The following ADGRA2 variants were observed in gnomAD, a reference collection of about 807,000 sequenced individuals.
ADGRA2 encodes the protein G-protein coupled receptor 124.
ADGRA2 carries 61 observed loss-of-function variants against 98.7 expected under a neutral mutation model. The ratio of observed to expected loss-of-function variants is 0.62; its 90% CI spans 0.50 to 0.76. The LOEUF (loss-of-function observed/expected upper bound fraction) is 0.76, where lower values mean the gene tolerates loss of function less well. Among genes scored for constraint, ADGRA2 ranks in the 30% least tolerant of loss-of-function variants. ADGRA2 has a pLI of 0.00. For synonymous variants in ADGRA2, 858 were observed against 831.5 expected (o/e 1.03, Z -0.55); for missense variants, 1,712 against 1,860.0 (o/e 0.92, Z 1.46).
intron 2 of ADGRA2, among the ~76,000 whole-genome samples, chr8:37,820,642 G>A (rs895329099): frequency 6.6e-6 from 1 of 152,266 alleles, no homozygotes; most frequent in Admixed American, 6.5e-5. Context: ...AGCACGTCCA[G>A]TGGGAGGGTT....
intron 4 of ADGRA2, 38 bp downstream of exon 4, chr8:37,829,370 G>A (rs763109516): frequency 3.2e-6 from 5 of 1,585,362 alleles, no homozygotes; most frequent in South Asian, 2.2e-5. Flanking sequence ...GGGAGGAGAG[G>A]GAAGAAGTGC....
rs1265584760 is a variant in ADGRA2, at chr8:37,797,482, G to A, written c.214G>A (p.Asp72Asn). ...ARRRVVCSGG[D>N]LPEPPEPGLL... ...GCGGAGGGTGGTGTGCAGCGGCGGGGACCTCCCGGAGCCTCCCGAGCCCGG... is the reference window on the plus strand; with the variant it reads ...GCGGAGGGTGGTGTGCAGCGGCGGGAACCTCCCGGAGCCTCCCGAGCCCGG... The change falls in exon 1 of 19, where the codon GAC becomes AAC. Residue 72 changes from aspartate to asparagine, a missense_variant. Transcript: ENST00000412232. The surrounding 1 kb of genome is among the most constrained non-coding windows in gnomAD (Gnocchi z 5.3). 1.4e-6 allele frequency: 2 copies of A among 1,416,356 alleles called. No homozygotes were observed. The highest frequency in any genetic ancestry group is 5.6e-5 in the East Asian group (2 of 35,742). The allele number at this position is 1,416,356 out of a possible 1,614,324, so 87.7% of individuals were successfully genotyped here.
chr8:37,797,573 C>A lies in ADGRA2; in HGVS notation c.266+39C>A, dbSNP rs1804369846. Reference sequence around the variant, plus strand: ...CAGGCCAGTTCCGTCCGAGCCGGGACTGGGGACGAAGGGAGGCGAGACGGG... The same window carrying A: ...CAGGCCAGTTCCGTCCGAGCCGGGAATGGGGACGAAGGGAGGCGAGACGGG... On this transcript the variant is annotated intron_variant, in intron 1 of 18. Transcript: ENST00000412232. The surrounding 1 kb of genome is among the most constrained non-coding windows in gnomAD (Gnocchi z 5.3). 3 of 1,269,536 alleles carry A rather than the reference C, an allele frequency of 2.4e-6. No individual in the cohort carries two copies. The highest frequency in any genetic ancestry group is 2.0e-6 in the Non-Finnish European group (2 of 996,630). 78.6% of individuals were successfully genotyped at this position (1,269,536 alleles called of 1,614,324 possible).
At chr8:37,821,752 T>A (rs1430382237) in intron 2 of ADGRA2, among the ~76,000 whole-genome samples, 1 of 152,132 alleles carries the variant, frequency 6.6e-6, no homozygotes, top group Non-Finnish European at 1.5e-5. Context: ...CCCGGGATGA[T>A]TTGTCATTAC....
At chr8:37,816,124 A>G (rs970366236) in intron 2 of ADGRA2, among the ~76,000 whole-genome samples, 3 of 152,212 alleles carry the variant, frequency 2.0e-5, no homozygotes, top group Non-Finnish European at 4.4e-5. Context: ...AATGCCATGT[A>G]TACTAGAATT....
chr8:37,839,985 TG>T, intron 16 of ADGRA2, 135 bp from the exon 17 acceptor site: 1 of 763,692 alleles, frequency 1.3e-6, no homozygotes, highest in Non-Finnish European at 2.1e-6. Flanking sequence ...GGCGAGTGTA[TG>T]GGGAGTGGGC....
Position 37,841,550 on chromosome 8 carries a change from C to A in ADGRA2, c.3212C>A (p.Ala1071Asp). 1.9e-6 allele frequency: 3 copies of A among 1,611,384 alleles called. No homozygotes were observed. Among genetic ancestry groups the A allele is most frequent in the Non-Finnish European group, 2.5e-6 (3 of 1,179,406 alleles). The change falls in exon 19 of 19, where the codon GCC becomes GAC. Residue 1071 changes from alanine to aspartate, a missense_variant. By Grantham distance (126) the Ala-to-Asp change is moderately radical. Transcript: ENST00000412232. This position sits in a 1 kb window ranked among gnomAD's most constrained non-coding sequence, Gnocchi z 5.0. Reference protein sequence around the residue: ...LGLFVFTHHCARRRDVRASWR... With the variant: ...LGLFVFTHHCDRRRDVRASWR... ...CTCTTCGTCTTCACTCACCACTGTG[C>A]CAGGCGGAGGGACGTGAGAGCCTCG...
At chr8:37,821,352 C>T (rs1470785233) in intron 2 of ADGRA2, among the ~76,000 whole-genome samples, 2 of 152,218 alleles carry the variant, frequency 1.3e-5, no homozygotes, top group African/African-American at 4.8e-5. Context: ...CAGTTCCCTT[C>T]CCCTCTGAAG....
At chr8:37,838,250 ATTTTT>A (rs11335728) in intron 14 of ADGRA2, among the ~76,000 whole-genome samples, 1 of 129,746 alleles carries the variant, frequency 7.7e-6, no homozygotes, top group Non-Finnish European at 1.6e-5. Flanking sequence ...CTGAGACCAG[ATTTTT>A]TTTTTTTTTT....
In ADGRA2 at chr8:37,833,134, C is replaced by G; in HGVS notation, c.1222C>G (p.Arg408Gly). ...CTCCCGCCGGTGTGACCGTGCCGGCCGCTGGGAGCCAGGGGACTACTCCCA... is the reference window on the plus strand; with the variant it reads ...CTCCCGCCGGTGTGACCGTGCCGGCGGCTGGGAGCCAGGGGACTACTCCCA... ...RASRRCDRAGRWEPGDYSHCL... is the reference protein window; with the variant it reads ...RASRRCDRAGGWEPGDYSHCL... Residue 408 changes from arginine (R) to glycine (G), a missense_variant, in exon 9 of 19, where the codon CGC (arginine) becomes GGC (glycine). Arg to Gly is a moderately radical substitution (Grantham distance 125). Transcript: ENST00000412232. 6.2e-7 allele frequency: 1 copy of G among 1,613,144 alleles called. No homozygotes were observed. Among genetic ancestry groups the G allele is most frequent in the Admixed American group, 1.7e-5 (1 of 60,000 alleles).
Position 37,830,629 on chromosome 8 carries a change from C to CCAA in ADGRA2, c.719-81_719-80insCAA. 5.6e-6 allele frequency: 4 copies of CCAA among 714,566 alleles called. No individual in the cohort carries two copies. The highest frequency in any genetic ancestry group is 9.7e-6 in the Non-Finnish European group (4 of 414,348). The allele number at this position is 714,566 out of a possible 1,614,324, so 44.3% of individuals were successfully genotyped here. ...CCGAGGGCCCCGCCCCGCCCCACCC[C>CCAA]ATCCTGCTGGACTCTCGCTCACACG... On this transcript the variant is annotated intron_variant, in intron 6 of 18. Transcript: ENST00000412232. The surrounding 1 kb of genome is among the most constrained non-coding windows in gnomAD (Gnocchi z 4.8).
At position 37,844,205 on chromosome 8, in the gene ADGRA2, G is replaced by A. The variant is rs1369761624; in HGVS notation, c.*1850G>A. The A allele has an allele frequency of 2.4e-6, 1 of 423,822 alleles. No individual in the cohort carries two copies. The highest frequency in any genetic ancestry group is 4.3e-6 in the Non-Finnish European group (1 of 232,994). The allele number at this position is 423,822 out of a possible 1,614,324, so 26.3% of individuals were successfully genotyped here. On this transcript the variant is annotated 3_prime_UTR_variant, in exon 19 of 19. Coordinates refer to ENST00000412232, the MANE Select transcript of ADGRA2 (RefSeq NM_032777.10). Reference sequence around the variant, plus strand: ...GTCCAATTCAAACCAGCAGCAAAGAGCCTGACATTTTCCCATCCATCTATG... The same window carrying A: ...GTCCAATTCAAACCAGCAGCAAAGAACCTGACATTTTCCCATCCATCTATG...
intron 5 of ADGRA2, 113 bp downstream of exon 5, chr8:37,829,672 C>A: frequency 1.0e-6 from 1 of 968,612 alleles, no homozygotes; most frequent in Admixed American, 1.8e-5. Flanking sequence ...CCACAGCAGA[C>A]AGTGCCTGAA....
intron 2 of ADGRA2, among the ~76,000 whole-genome samples, chr8:37,817,160 C>A (rs11995811): frequency 3.3e-5 from 5 of 151,910 alleles, no homozygotes; most frequent in Non-Finnish European, 7.4e-5. Flanking sequence ...GGCCCCAAGC[C>A]CCCGAAGCTG....
intron 1 of ADGRA2, among the ~76,000 whole-genome samples, chr8:37,799,335 A>G (rs1371128959): frequency 6.6e-6 from 1 of 151,104 alleles, no homozygotes; most frequent in African/African-American, 2.4e-5. Flanking sequence ...CGATCACGCC[A>G]TTGCACTCCA....
rs370693016 is a variant in ADGRA2 at position 37,833,258 on chromosome 8, A to G, written c.1296+50A>G. ...CCAGCTCTGCTTCGGGGGCACAGGG[A>G]AGGGAGAAGCCAACCTAACGGGCAA... On this transcript the variant is annotated intron_variant, in intron 9 of 18. Coordinates refer to ENST00000412232, the MANE Select transcript of ADGRA2 (RefSeq NM_032777.10). 5.1e-5 allele frequency: 73 copies of G among 1,434,976 alleles called. No individual in the cohort carries two copies. In the African/African-American group the frequency reaches 9.0e-4, roughly 18 times the overall value. 88.9% of individuals were successfully genotyped at this position (1,434,976 alleles called of 1,614,324 possible).
rs1482676775 is a variant in ADGRA2 at position 37,819,060 on chromosome 8, C to CGGGGTGGCTACTGGG, written c.338+4095_338+4109dup. Among the ~76,000 whole-genome samples, 14 of 152,230 alleles carry CGGGGTGGCTACTGGG rather than the reference C, an allele frequency of 9.2e-5. No individual in the cohort carries two copies. In the East Asian group the frequency reaches 2.7e-3, roughly 29 times the overall value. On this transcript the variant is annotated intron_variant, in intron 2 of 18. Coordinates refer to ENST00000412232, the MANE Select transcript of ADGRA2 (RefSeq NM_032777.10). ...GCAGGAGACAGGTAGGATGTGATGC[C>CGGGGTGGCTACTGGG]GGGGTGGCTACTGGGGTGGCCTTCG...
In ADGRA2 at chr8:37,839,622, G is replaced by T; in HGVS notation, c.2511G>T (p.Ala837=). Residue 837 remains alanine (A), a splice_region_variant and synonymous_variant, in exon 16 of 19, where the codon GCG becomes GCT. Transcript: ENST00000412232. ...TLTNYQMVCQ[A]VGITLHYSSL... Reference sequence around the variant, plus strand: ...CCAACTACCAGATGGTCTGCCAGGCGGTAAGCAGGAGAAGGGGCTCTGGGG... The same window carrying T: ...CCAACTACCAGATGGTCTGCCAGGCTGTAAGCAGGAGAAGGGGCTCTGGGG... 1 of 1,613,820 alleles carries T rather than the reference G, an allele frequency of 6.2e-7. No homozygotes were observed. Among genetic ancestry groups the T allele is most frequent in the Non-Finnish European group, 8.5e-7 (1 of 1,179,846 alleles).
rs1805906408 is a variant in ADGRA2 at position 37,844,310 on chromosome 8, T to A, written c.*1955T>A. ...GGATGGGAATCTCTCCTACCTATAG[T>A]CATCCCTGCACTCCTGACTTTACTC... On this transcript the variant is annotated 3_prime_UTR_variant, in exon 19 of 19. Coordinates refer to ENST00000412232, the MANE Select transcript of ADGRA2 (RefSeq NM_032777.10). 1 of 693,916 alleles carries A rather than the reference T, an allele frequency of 1.4e-6. No individual in the cohort carries two copies. The highest frequency in any genetic ancestry group is 1.8e-5 in the African/African-American group (1 of 55,434). 43.0% of individuals were successfully genotyped at this position (693,916 alleles called of 1,614,324 possible).
Sources: gnomAD v4.1 joint callset for allele counts (sites outside exome capture counted in the v4.1 genomes callset) on GRCh38, gnomAD v4.1.1 for gene constraint, Gnocchi (gnomAD v3.1) non-coding constraint, MANE v1.5 for transcripts, NCBI Gene and HGNC (gene_info 2026-07-23, HGNC 2026-07-21) for gene names.